The following EPHA4 variants were observed in gnomAD, a reference collection of about 807,000 sequenced individuals.
The protein encoded by EPHA4 is EPH receptor A4, also known as ephrin type-A receptor 4.
EPHA4 carries 19 observed loss-of-function variants against 108.3 expected under a neutral mutation model. The observed-to-expected ratio is 0.18, with a 90% CI of 0.12 to 0.26. The LOEUF (loss-of-function observed/expected upper bound fraction) is 0.26. EPHA4 is among the 10% of genes least tolerant of loss of function. The probability of loss-of-function intolerance (pLI) is 1.00; values close to 1 mark genes in which losing one functional copy is unlikely to be tolerated. For missense variants in EPHA4, 917 were observed against 1,254.0 expected (o/e 0.73, Z 4.06); for synonymous variants, 449 against 455.5 (o/e 0.99, Z 0.18).
chr2:221,557,881 T>G (rs1694350796), intron 3 of EPHA4, among the ~76,000 whole-genome samples: 1 of 152,218 alleles, frequency 6.6e-6, no homozygotes, highest in Admixed American at 6.5e-5. Context: ...TAAATTCATA[T>G]GTCCAAGATA....
intron 5 of EPHA4, among the ~76,000 whole-genome samples, chr2:221,477,332 C>T (rs1303911788): frequency 6.6e-6 from 1 of 152,166 alleles, no homozygotes; most frequent in Non-Finnish European, 1.5e-5. Context: ...GGCTATGGAA[C>T]CCTGAAATGG....
intron 3 of EPHA4, among the ~76,000 whole-genome samples, chr2:221,559,148 T>C (rs1694384274): frequency 6.6e-6 from 1 of 152,254 alleles, no homozygotes; most frequent in Non-Finnish European, 1.5e-5. Context: ...TTTAATACGA[T>C]ACCTTTTGTT....
intron 8 of EPHA4, among the ~76,000 whole-genome samples, chr2:221,451,504 A>C (rs16862681): frequency 6.6e-6 from 1 of 152,164 alleles, no homozygotes; most frequent in Non-Finnish European, 1.5e-5. Context: ...AAATATATAC[A>C]TGTGGAAATG....
intron 8 of EPHA4, among the ~76,000 whole-genome samples, chr2:221,449,047 G>T (rs535833509): frequency 6.6e-6 from 1 of 152,160 alleles, no homozygotes; most frequent in Non-Finnish European, 1.5e-5. Context: ...AATTAGTGGT[G>T]AAGGTGTGTT....
intron 5 of EPHA4, among the ~76,000 whole-genome samples, chr2:221,476,115 G>A (rs1244621717): frequency 1.3e-5 from 2 of 152,170 alleles, no homozygotes; most frequent in African/African-American, 4.8e-5. Flanking sequence ...AGCTACTCAG[G>A]AAGCTGAGGC....
intron 3 of EPHA4, among the ~76,000 whole-genome samples, chr2:221,514,648 T>C (rs1239329096): frequency 1.3e-5 from 2 of 152,178 alleles, no homozygotes; most frequent in Non-Finnish European, 2.9e-5. Flanking sequence ...AATCCTTCCA[T>C]GTATAAATTA....
At chr2:221,524,375 G>A (rs1273510908) in intron 3 of EPHA4, among the ~76,000 whole-genome samples, 2 of 152,206 alleles carry the variant, frequency 1.3e-5, no homozygotes, top group African/African-American at 2.4e-5. Context: ...TAAATGACAC[G>A]TCTCTATGGT....
At chr2:221,478,659 A>G (rs1559258605) in intron 5 of EPHA4, among the ~76,000 whole-genome samples, 1 of 152,006 alleles carries the variant, frequency 6.6e-6, no homozygotes, top group Non-Finnish European at 1.5e-5. Flanking sequence ...GCTGGGAGTG[A>G]CTCATCTCAT....
In EPHA4 at chr2:221,504,163, C is replaced by T. The variant is rs562175261; in HGVS notation, c.824-2991G>A. Among the ~76,000 whole-genome samples, 88 of 152,298 alleles carry T rather than the reference C, an allele frequency of 5.8e-4. 1 individual carries two copies. Among genetic ancestry groups the T allele is most frequent in the Non-Finnish European group, 1.1e-3 (76 of 68,024 alleles). The stretch of plus-strand genomic sequence containing the variant: ...GACTTTGTGAGCAAGAAACTACTTC[C>T]TCCTGCCCTATTTCCACCGAAGTTT... On this transcript the variant is annotated intron_variant, in intron 3 of 17. Coordinates refer to ENST00000281821, the MANE Select transcript of EPHA4 (RefSeq NM_004438.5).
intron 5 of EPHA4, among the ~76,000 whole-genome samples, chr2:221,466,468 T>C (rs1428523856): frequency 1.3e-5 from 2 of 152,144 alleles, no homozygotes; most frequent in Non-Finnish European, 2.9e-5. Context: ...GTAGTTATAA[T>C]GATCACCCTT....
At chr2:221,492,536 C>T (rs1272660662) in intron 4 of EPHA4, among the ~76,000 whole-genome samples, 1 of 152,120 alleles carries the variant, frequency 6.6e-6, no homozygotes, top group African/African-American at 2.4e-5. Context: ...TTTCTTCAAA[C>T]AAAAACCATC....
At chr2:221,451,901 G>T (rs970594834) in intron 8 of EPHA4, among the ~76,000 whole-genome samples, 4 of 152,088 alleles carry the variant, frequency 2.6e-5, no homozygotes, top group African/African-American at 9.7e-5. Flanking sequence ...AGTAGATCTC[G>T]CTGAAAAAAG....
At chr2:221,560,255 A>G (rs1694422258) in intron 3 of EPHA4, among the ~76,000 whole-genome samples, 1 of 152,218 alleles carries the variant, frequency 6.6e-6, no homozygotes, top group Non-Finnish European at 1.5e-5. Flanking sequence ...CTGCCACAGT[A>G]GAACCATTGA....
At chr2:221,489,585 T>A (rs894278179) in intron 4 of EPHA4, among the ~76,000 whole-genome samples, 16 of 152,158 alleles carry the variant, frequency 1.1e-4, no homozygotes, top group African/African-American at 3.6e-4. Context: ...CCTGTCCCAA[T>A]GCACCCAATT....
intron 5 of EPHA4, 52 bp downstream of exon 5, chr2:221,482,300 C>A: frequency 2.1e-6 from 3 of 1,411,458 alleles, no homozygotes; most frequent in Non-Finnish European, 2.9e-6. Context: ...TTATTTTAAG[C>A]CTTTTCTCTG....
chr2:221,507,325 A>G (rs1354675122), intron 3 of EPHA4, among the ~76,000 whole-genome samples: 10 of 152,230 alleles, frequency 6.6e-5, no homozygotes, highest in East Asian at 1.9e-4. Flanking sequence ...GATTTTACTC[A>G]GTATCATTAT....
At chr2:221,563,710 C>A (rs17299591) in intron 3 of EPHA4, 21 bp downstream of exon 3, 46,930 of 1,608,640 alleles carry the variant, frequency 0.029, 873 homozygotes, top group South Asian at 0.053. Context: ...AGTGAAAAAA[C>A]TGCAATATGG....
intron 6 of EPHA4, among the ~76,000 whole-genome samples, chr2:221,457,078 C>A (rs570675457): frequency 5.3e-5 from 8 of 152,020 alleles, no homozygotes; most frequent in Admixed American, 1.3e-4. Context: ...AGTTCCACAC[C>A]CAGCAATTTA....
At chr2:221,522,621 C>T (rs1693196497) in intron 3 of EPHA4, among the ~76,000 whole-genome samples, 1 of 152,108 alleles carries the variant, frequency 6.6e-6, no homozygotes, top group Non-Finnish European at 1.5e-5. Context: ...GTTTCCCACA[C>T]TTCATTTACT....
Sources: allele counts gnomAD v4.1 joint callset (sites outside exome capture counted in the v4.1 genomes callset), GRCh38; gene constraint gnomAD v4.1.1; transcripts MANE v1.5; gene names NCBI Gene and HGNC (gene_info 2026-07-23, HGNC 2026-07-21).